Variants in LIMD2 observed in about 807,000 individuals in gnomAD.
LIMD2 encodes LIM domain-containing protein 2.
A neutral mutation model predicts 16.0 loss-of-function variants in LIMD2; 11 were observed. That is an observed-to-expected ratio of 0.69 (90% CI 0.43 to 1.14). The LOEUF is 1.14. LIMD2 is among the 50% of genes most tolerant of loss of function. The pLI is 0.00. For synonymous variants in LIMD2, 60 were observed against 67.1 expected, an observed-to-expected ratio of 0.89 and a Z score of 0.52; for missense variants, 168 against 165.8, an observed-to-expected ratio of 1.01 and a Z score of -0.07.
In LIMD2 at chr17:63,698,569, C is replaced by CGG; in HGVS notation, c.365_366dup (p.Gly123ProfsTer149). 1 of 1,613,732 alleles carries CGG rather than the reference C, an allele frequency of 6.2e-7. No individual in the cohort carries two copies. Among genetic ancestry groups the CGG allele is most frequent in the Non-Finnish European group, 8.5e-7 (1 of 1,179,990 alleles). On this transcript the variant is annotated frameshift_variant, in exon 5 of 5. Coordinates refer to ENST00000259006, the MANE Select transcript of LIMD2 (RefSeq NM_030576.4). LOFTEE classifies it high-confidence loss of function. ...CAGAGGCCTCAGGCCGTCTTGGTGC[C>CGG]GGGGTCCACCTCCTTGTGGGCCCAG...
chr17:63,699,807 C>G, intron 1 of LIMD2: 2 of 498,336 alleles, frequency 4.0e-6, no homozygotes, highest in Non-Finnish European at 5.2e-6. Context: ...CCCGACCTGG[C>G]CCCGCGAGGA....
In LIMD2 at chr17:63,696,843, C is replaced by G. The variant is rs1460205055; in HGVS notation, c.*1709G>C. 7.2e-6 allele frequency: 1 copy of G among 139,000 alleles called. No homozygotes were observed. The highest frequency in any genetic ancestry group is 2.8e-5 in the African/African-American group (1 of 35,372). The allele number at this position is 139,000 out of a possible 1,614,324, so 8.6% of individuals were successfully genotyped here. On this transcript the variant is annotated 3_prime_UTR_variant, in exon 5 of 5. Transcript: ENST00000259006. ...CACTTCACACTTGGGAGGATCCAGG[C>G]CGGGGCACCATCTCTGCTGAGTATT...
intron 1 of LIMD2, chr17:63,699,772 T>TGGGCC: frequency 2.7e-5 from 9 of 329,570 alleles, no homozygotes; most frequent in Non-Finnish European, 3.9e-5. Context: ...GCGCCCGAGG[T>TGGGCC]CCCCGCCCGC....
At position 63,696,922 on chromosome 17, in the gene LIMD2, A is replaced by T. The variant is rs139714295; in HGVS notation, c.*1630T>A. ...GCCTCAGCATAGTGACTTATGTGAC[A>T]CTGGAGCCTGTGGCCCAGCTCCCTG... is the stretch of plus-strand genomic sequence containing the variant. On this transcript the variant is annotated 3_prime_UTR_variant, in exon 5 of 5. Coordinates refer to ENST00000259006, the MANE Select transcript of LIMD2 (RefSeq NM_030576.4). 1 of 152,220 alleles carries T rather than the reference A, an allele frequency of 6.6e-6. No individual in the cohort carries two copies. Among genetic ancestry groups the T allele is most frequent in the Non-Finnish European group, 1.5e-5 (1 of 68,056 alleles). 9.4% of individuals were successfully genotyped at this position (152,220 alleles called of 1,614,324 possible). A position where few individuals can be genotyped will look rare whatever the true frequency, so the allele number is the denominator to read the frequency against.
chr17:63,699,847 C>T (rs949347080), intron 1 of LIMD2, 185 bp downstream of exon 1: 1 of 984,158 alleles, frequency 1.0e-6, no homozygotes, highest in Non-Finnish European at 1.2e-6. Flanking sequence ...GCCGCGAGCC[C>T]CGCCAGCGGG....
intron 1 of LIMD2, chr17:63,699,806 G>C: frequency 5.1e-5 from 45 of 889,038 alleles, no homozygotes; most frequent in South Asian, 1.0e-4. Flanking sequence ...CCCCGACCTG[G>C]CCCCGCGAGG....
chr17:63,698,958 A>T lies in LIMD2; in HGVS notation c.85-20T>A. On this transcript the variant is annotated intron_variant, in intron 3 of 4. Transcript: ENST00000259006. ...GAAGGACTGTGCGGGAAGCTCAGCC[A>T]GGTGCTGCCCCAGTGCTCATCCCGC... 2 of 1,612,504 alleles carry T rather than the reference A, an allele frequency of 1.2e-6. No homozygotes were observed. The highest frequency in any genetic ancestry group is 1.7e-6 in the Non-Finnish European group (2 of 1,179,788).
At chr17:63,699,862 G>A in intron 1 of LIMD2, 170 bp downstream of exon 1, 1 of 983,484 alleles carries the variant, frequency 1.0e-6, no homozygotes, top group Non-Finnish European at 1.2e-6. Flanking sequence ...AGCGGGTCTC[G>A]GCTCCGCCCA....
intron 1 of LIMD2, 115 bp from the exon 2 acceptor site, chr17:63,699,463 T>C: frequency 1.0e-6 from 1 of 982,132 alleles, no homozygotes; most frequent in Non-Finnish European, 1.4e-6. Context: ...CCTAAGTCAT[T>C]TCCTGTTGCT....
chr17:63,700,225 C>T, upstream of LIMD2: 5 of 928,996 alleles, frequency 5.4e-6, no homozygotes, highest in South Asian at 4.8e-5. This position sits in a 1 kb window ranked among gnomAD's most constrained non-coding sequence, Gnocchi z 7.1. Flanking sequence ...GAGCCGCCTT[C>T]GGGGCCCCGG....
At position 63,697,144 on chromosome 17, in the gene LIMD2, C is replaced by G. The variant is rs2035705328; in HGVS notation, c.*1408G>C. 1 of 152,290 alleles carries G rather than the reference C, an allele frequency of 6.6e-6. No individual in the cohort carries two copies. Among genetic ancestry groups the G allele is most frequent in the South Asian group, 2.1e-4 (1 of 4,836 alleles). 9.4% of individuals were successfully genotyped at this position (152,290 alleles called of 1,614,324 possible). On this transcript the variant is annotated 3_prime_UTR_variant, in exon 5 of 5. Coordinates refer to ENST00000259006, the MANE Select transcript of LIMD2 (RefSeq NM_030576.4). ...GTCCTCCCAACTTGCCTGGTTTGCT[C>G]TGCTGTGAACTCATCCCTCATTGTC... is the stretch of plus-strand genomic sequence containing the variant.
At position 63,698,630 on chromosome 17, in the gene LIMD2, G is replaced by A. The variant is rs1175785476; in HGVS notation, c.306C>T (p.Tyr102=). 22 of 1,613,788 alleles carry A rather than the reference G, an allele frequency of 1.4e-5. No homozygotes were observed. Among genetic ancestry groups the A allele is most frequent in the Non-Finnish European group, 1.8e-5 (21 of 1,180,038 alleles). ...FQQLFKSKGN[Y]DEGFGRKQHK... ...GCTGCTTGCGGCCAAACCCCTCGTC[G>A]TAGTTGCCTTTGCTCTTAAACAGCT... Residue 102 remains tyrosine (Y), a synonymous_variant, in exon 5 of 5, where the codon TAC becomes TAT. Coordinates refer to ENST00000259006, the MANE Select transcript of LIMD2 (RefSeq NM_030576.4).
At chr17:63,700,619 G>A (rs2035770883), upstream of LIMD2, 2 of 151,880 alleles carry the variant, frequency 1.3e-5, no homozygotes, top group Admixed American at 6.6e-5. The surrounding 1 kb of genome is among the most constrained non-coding windows in gnomAD (Gnocchi z 7.1). Flanking sequence ...TCCCCGCCCA[G>A]AGCTGTGGGG....
chr17:63,698,645 C>T lies in LIMD2; in HGVS notation c.291G>A (p.Lys97=). ...ACCCCTCGTCGTAGTTGCCTTTGCT[C>T]TTAAACAGCTGCTGGAAGTGGGGTT... ...YCKPHFQQLF[K]SKGNYDEGFG... The change falls in exon 5 of 5, where the codon AAG becomes AAA. Residue 97 remains lysine (K), a synonymous_variant. Transcript: ENST00000259006. 1.2e-6 allele frequency: 2 copies of T among 1,613,918 alleles called. No individual in the cohort carries two copies. The highest frequency in any genetic ancestry group is 8.5e-7 in the Non-Finnish European group (1 of 1,180,040).
In LIMD2 at chr17:63,698,918, C is replaced by G; in HGVS notation, c.105G>C (p.Gln35His). 1.2e-6 allele frequency: 2 copies of G among 1,612,822 alleles called. No individual in the cohort carries two copies. The highest frequency in any genetic ancestry group is 1.7e-5 in the Admixed American group (1 of 60,032). Residue 35 changes from glutamine (Q) to histidine (H), a missense_variant, in exon 4 of 5, where the codon CAG becomes CAC. Physicochemically the swap from Gln to His is conservative, Grantham distance 24. Coordinates refer to ENST00000259006, the MANE Select transcript of LIMD2 (RefSeq NM_030576.4). ...GGCAGGCGGCGCAGGTCTCCTTCAC[C>G]TGGGCCCGCAGGCTGAAGGACTGTG... ...QRSKSFSLRA[Q>H]VKETCAACQK... is the part of the protein sequence containing the mutation.
chr17:63,699,424 G>C, intron 1 of LIMD2, 76 bp from the exon 2 acceptor site: 10 of 1,388,454 alleles, frequency 7.2e-6, no homozygotes, highest in Non-Finnish European at 9.6e-6. Context: ...TGACAGGCAG[G>C]GGCTGGGGGG....
Position 63,699,321 on chromosome 17 carries a change from C to T in LIMD2, c.-23G>A, listed in dbSNP as rs745907928. On this transcript the variant is annotated 5_prime_UTR_variant, in exon 2 of 5. Coordinates refer to ENST00000259006, the MANE Select transcript of LIMD2 (RefSeq NM_030576.4). ...CATGGCTCGTTGGAGGTGGAAGCCT[C>T]GGGTGGAGAAGCGGCACCCGCTGGG... The T allele has an allele frequency of 4.4e-6, 7 of 1,597,672 alleles. No individual in the cohort carries two copies. Among genetic ancestry groups the T allele is most frequent in the South Asian group, 3.4e-5 (3 of 89,538 alleles).
Position 63,698,436 on chromosome 17 carries a change from A to G in LIMD2, c.*116T>C. 2 of 1,207,186 alleles carry G rather than the reference A, an allele frequency of 1.7e-6. No homozygotes were observed. Among genetic ancestry groups the G allele is most frequent in the South Asian group, 3.0e-5 (2 of 67,510 alleles). The allele number at this position is 1,207,186 out of a possible 1,614,324, so 74.8% of individuals were successfully genotyped here. A position where few individuals can be genotyped will look rare whatever the true frequency, so the allele number is the denominator to read the frequency against. ...GCCCTGCCCTGGTCCCCTACGCCTG[A>G]GCAAGCCTCATCCCCTTCCCACCTG... On this transcript the variant is annotated 3_prime_UTR_variant, in exon 5 of 5. Coordinates refer to ENST00000259006, the MANE Select transcript of LIMD2 (RefSeq NM_030576.4).
chr17:63,699,372 GGGCCCCGCCAGCCC>G (rs2035748811), intron 1 of LIMD2, 24 bp from the exon 2 acceptor site: 1 of 1,523,416 alleles, frequency 6.6e-7, no homozygotes. Flanking sequence ...TCAGTCGGGA[GGGCCCCGCCAGCCC>G]GGCCCCAGCC....
Sources: gnomAD v4.1 joint callset for allele counts on GRCh38, gnomAD v4.1.1 for gene constraint, Gnocchi (gnomAD v3.1) non-coding constraint, MANE v1.5 for transcripts, NCBI Gene and HGNC (gene_info 2026-07-23, HGNC 2026-07-21) for gene names.